Variants in MRAP2 observed in about 807,000 individuals in gnomAD.
The protein encoded by MRAP2 is melanocortin-2 receptor accessory protein 2.
MRAP2 carries 20 observed loss-of-function variants against 17.4 expected under a neutral mutation model. That is an observed-to-expected ratio of 1.15 (90% confidence interval 0.81 to 1.67). MRAP2 has a LOEUF of 1.67. Ranked by LOEUF, MRAP2 falls within the 40% of genes most tolerant of loss-of-function variation. The pLI is 0.00. For missense variants in MRAP2, 238 were observed against 240.0 expected (o/e 0.99, Z 0.05); for synonymous variants, 96 against 88.4 (o/e 1.09, Z -0.48).
intron 3 of MRAP2, among the ~76,000 whole-genome samples, chr6:84,071,911 C>T (rs1292494565): frequency 4.6e-5 from 7 of 152,014 alleles, no homozygotes; most frequent in Non-Finnish European, 8.8e-5. Flanking sequence ...TAAGTGTGTC[C>T]AATGTTTCCT....
chr6:84,103,647 A>G, the MRAP2 span, among the ~76,000 whole-genome samples: 1 of 152,186 alleles, frequency 6.6e-6, no homozygotes, highest in Non-Finnish European at 1.5e-5. Context: ...ACTTGTGTGT[A>G]CCTCACAAAT....
intron 3 of MRAP2, among the ~76,000 whole-genome samples, chr6:84,082,969 C>G (rs2099499386): frequency 6.6e-6 from 1 of 152,046 alleles, no homozygotes. Flanking sequence ...CTTTTCCCCT[C>G]TCTCCCTTAC....
intron 3 of MRAP2, among the ~76,000 whole-genome samples, chr6:84,087,883 T>C (rs2099500894): frequency 6.6e-6 from 1 of 152,190 alleles, no homozygotes; most frequent in Non-Finnish European, 1.5e-5. Context: ...TAAAATTCCT[T>C]CAGCTAGCTG....
intron 3 of MRAP2, among the ~76,000 whole-genome samples, chr6:84,072,532 C>T (rs1306881829): frequency 6.6e-6 from 1 of 152,198 alleles, no homozygotes; most frequent in East Asian, 1.9e-4. Context: ...GTTTAATGCT[C>T]TGTTTTTGTG....
chr6:84,114,981 C>A, the MRAP2 span, among the ~76,000 whole-genome samples: 1 of 152,182 alleles, frequency 6.6e-6, no homozygotes. Context: ...CAGATGCCAG[C>A]CAGAGCTCTC....
At chr6:84,042,130 G>C (rs1052460786) in intron 1 of MRAP2, among the ~76,000 whole-genome samples, 1 of 152,188 alleles carries the variant, frequency 6.6e-6, no homozygotes, top group Non-Finnish European at 1.5e-5. Context: ...GAGTTCTCAT[G>C]AGAGCTGATG....
chr6:84,097,810 G>C, the MRAP2 span, among the ~76,000 whole-genome samples: 1 of 152,064 alleles, frequency 6.6e-6, no homozygotes, highest in Admixed American at 6.6e-5. Flanking sequence ...CATTGTATAT[G>C]AAAAATCCAT....
intron 1 of MRAP2, among the ~76,000 whole-genome samples, chr6:84,051,814 G>A (rs976989601): frequency 6.6e-6 from 1 of 152,158 alleles, no homozygotes; most frequent in Non-Finnish European, 1.5e-5. Context: ...CCAAAGAAGG[G>A]ATGAAAGTGA....
intron 1 of MRAP2, among the ~76,000 whole-genome samples, chr6:84,047,339 C>T (rs1368224291): frequency 1.3e-5 from 2 of 151,700 alleles, no homozygotes; most frequent in South Asian, 2.1e-4. Flanking sequence ...TACAGGCATG[C>T]ACCACCATGC....
the MRAP2 span, among the ~76,000 whole-genome samples, chr6:84,128,105 G>A: frequency 2.6e-5 from 4 of 152,198 alleles, no homozygotes; most frequent in East Asian, 1.9e-4. Flanking sequence ...AGCACCCAGC[G>A]CTGCCCATGG....
chr6:84,081,155 A>G lies in MRAP2; in HGVS notation c.228-7936A>G, dbSNP rs186380613. 7.7e-4 allele frequency among the ~76,000 whole-genome samples: 118 copies of G among 152,334 alleles called. 1 individual carries two copies. Among genetic ancestry groups the G allele is most frequent in the African/African-American group, 2.2e-3 (93 of 41,566 alleles). ...TTAGGTCAGGTTTTTTAAAGTTACC[A>G]GCAAAACGTATTGATTGTGAAATTT... On this transcript the variant is annotated intron_variant, in intron 3 of 3. Transcript: ENST00000257776.
At chr6:84,124,232 ATCAT>A in the MRAP2 span, 2 of 152,210 alleles carry the variant, frequency 1.3e-5, no homozygotes, top group African/African-American at 2.4e-5. Context: ...AGGAACAGAA[ATCAT>A]TATATAAAAA....
In MRAP2 at chr6:84,066,616, T is replaced by G. The variant is rs116027321; in HGVS notation, c.227+3624T>G. Among the ~76,000 whole-genome samples, 906 of 152,264 alleles carry G rather than the reference T, an allele frequency of 6.0e-3. 4 individuals carry two copies. Among genetic ancestry groups the G allele is most frequent in the African/African-American group, 0.021 (874 of 41,528 alleles). On this transcript the variant is annotated intron_variant, in intron 3 of 3. Coordinates refer to ENST00000257776, the MANE Select transcript of MRAP2 (RefSeq NM_138409.4). ...AATAATAAGAGCCATTTTTTTTGATTCCAGGGTCAACTAATTACTTTATAT... is the reference window on the plus strand; with the variant it reads ...AATAATAAGAGCCATTTTTTTTGATGCCAGGGTCAACTAATTACTTTATAT...
chr6:84,069,375 G>A (rs2099495615), intron 3 of MRAP2, among the ~76,000 whole-genome samples: 1 of 152,026 alleles, frequency 6.6e-6, no homozygotes, highest in Non-Finnish European at 1.5e-5. Flanking sequence ...TTTTTATTCT[G>A]TTAATGTGGT....
At chr6:84,113,105 T>A in the MRAP2 span, among the ~76,000 whole-genome samples, 1 of 152,182 alleles carries the variant, frequency 6.6e-6, no homozygotes, top group South Asian at 2.1e-4. Flanking sequence ...TAGATGTCTA[T>A]TAGGTCCTCT....
intron 3 of MRAP2, among the ~76,000 whole-genome samples, chr6:84,065,604 A>G (rs911000979): frequency 3.3e-5 from 5 of 152,174 alleles, no homozygotes; most frequent in African/African-American, 9.7e-5. Flanking sequence ...AGAAGAACCA[A>G]TGGAGTTTTG....
chr6:84,054,425 T>C lies in MRAP2; in HGVS notation c.-7-887T>C, dbSNP rs183907608. ...AATAGTCACAGTTAACAAAGATACT[T>C]GGGAAATCCTGAAAATATCATAAAT... On this transcript the variant is annotated intron_variant, in intron 1 of 3. Transcript: ENST00000257776. Among the ~76,000 whole-genome samples, 20 of 152,308 alleles carry C rather than the reference T, an allele frequency of 1.3e-4. No homozygotes were observed. In the East Asian group the frequency reaches 2.9e-3, roughly 22 times the overall value.
At chr6:84,114,785 G>T in the MRAP2 span, among the ~76,000 whole-genome samples, 1 of 152,128 alleles carries the variant, frequency 6.6e-6, no homozygotes, top group African/African-American at 2.4e-5. Context: ...TGTTGATGTT[G>T]ATCCCACTCC....
the MRAP2 span, among the ~76,000 whole-genome samples, chr6:84,133,970 T>C: frequency 6.6e-6 from 1 of 152,170 alleles, no homozygotes; most frequent in African/African-American, 2.4e-5. Context: ...ACTGGAGCTG[T>C]TCCTCTTTGG....
Sources: gnomAD v4.1 joint callset for allele counts (sites outside exome capture counted in the v4.1 genomes callset) on GRCh38, gnomAD v4.1.1 for gene constraint, MANE v1.5 for transcripts, NCBI Gene and HGNC (gene_info 2026-07-23, HGNC 2026-07-21) for gene names.